Variants in CACNA1E observed in about 807,000 individuals in gnomAD.
CACNA1E encodes calcium voltage-gated channel subunit alpha1 E, also known as voltage-dependent R-type calcium channel subunit alpha-1E.
CACNA1E carries 40 observed loss-of-function variants against 259.2 expected under a neutral mutation model. The observed-to-expected ratio is 0.15, with a 90% CI of 0.12 to 0.20. CACNA1E has a LOEUF of 0.20. CACNA1E is among the 10% of genes least tolerant of loss of function. The pLI is 1.00. For missense variants in CACNA1E, 1,874 were observed against 3,040.1 expected (o/e 0.62, Z 9.02); for synonymous variants, 1,104 against 1,138.5 (o/e 0.97, Z 0.61).
chr1:181,757,338 G>A (rs1303310716), intron 30 of CACNA1E, among the ~76,000 whole-genome samples: 1 of 152,200 alleles, frequency 6.6e-6, no homozygotes, highest in Non-Finnish European at 1.5e-5. Context: ...AGATATGTAA[G>A]ATGTTTAACA....
At chr1:181,540,734 G>T (rs1668519569) in intron 3 of CACNA1E, among the ~76,000 whole-genome samples, 1 of 152,148 alleles carries the variant, frequency 6.6e-6, no homozygotes. Flanking sequence ...ACTGTACTTA[G>T]CCCACACCAT....
intron 1 of CACNA1E, among the ~76,000 whole-genome samples, chr1:181,356,905 G>T (rs1296853393): frequency 6.6e-6 from 1 of 152,110 alleles, no homozygotes; most frequent in Non-Finnish European, 1.5e-5. Flanking sequence ...AAAATAACCT[G>T]GTTGCTCGAA....
chr1:181,355,718 G>A (rs145952884), intron 1 of CACNA1E, among the ~76,000 whole-genome samples: 1 of 152,138 alleles, frequency 6.6e-6, no homozygotes, highest in Non-Finnish European at 1.5e-5. Context: ...ATATGCAAAG[G>A]CCCCCTTTAA....
At chr1:181,711,847 G>A (rs189058650) in intron 8 of CACNA1E, among the ~76,000 whole-genome samples, 4 of 152,258 alleles carry the variant, frequency 2.6e-5, no homozygotes, top group East Asian at 3.9e-4. Flanking sequence ...GGCAGCAATC[G>A]TGTTTGACCT....
intron 7 of CACNA1E, among the ~76,000 whole-genome samples, chr1:181,652,656 G>A (rs78860456): frequency 0.032 from 4,841 of 152,172 alleles, 112 homozygotes; most frequent in African/African-American, 0.063. Flanking sequence ...GCTGGGGTAG[G>A]CGTGGTGCTA....
intron 6 of CACNA1E, among the ~76,000 whole-genome samples, chr1:181,622,330 A>T (rs985232734): frequency 2.6e-5 from 4 of 152,166 alleles, no homozygotes; most frequent in African/African-American, 9.7e-5. Context: ...ACCTCTTCTG[A>T]TTATGAAGGT....
At chr1:181,747,450 ATTTTTT>A (rs60393528) in intron 25 of CACNA1E, among the ~76,000 whole-genome samples, 2 of 122,866 alleles carry the variant, frequency 1.6e-5, no homozygotes, top group Admixed American at 8.0e-5. Context: ...AAAATCTGTC[ATTTTTT>A]TTTTTTTTTT....
At chr1:181,472,564 TA>T (rs1353664426) in intron 2 of CACNA1E, among the ~76,000 whole-genome samples, 1 of 152,228 alleles carries the variant, frequency 6.6e-6, no homozygotes, top group Non-Finnish European at 1.5e-5. Context: ...CTGGTATCTG[TA>T]CCTGTAAATA....
intron 3 of CACNA1E, among the ~76,000 whole-genome samples, chr1:181,548,129 C>CTTTTTTTTCTTTTTTTTTTT (rs537628921): frequency 7.5e-6 from 1 of 133,386 alleles, no homozygotes. Flanking sequence ...CTTTTTTTTT[C>CTTTTTTTTCTTTTTTTTTTT]TTTTTTTTTT....
intron 8 of CACNA1E, 151 bp from the exon 9 acceptor site, chr1:181,715,187 T>C (rs933597249): frequency 1.6e-6 from 1 of 618,000 alleles, no homozygotes; most frequent in African/African-American, 1.8e-5. Flanking sequence ...TCTGTGACAC[T>C]TGCTTTCTTT....
intron 1 of CACNA1E, among the ~76,000 whole-genome samples, chr1:181,350,319 C>A (rs1022549179): frequency 3.3e-5 from 5 of 152,216 alleles, no homozygotes; most frequent in African/African-American, 1.2e-4. Flanking sequence ...GAGAGCCCTC[C>A]GTCATCCAGA....
At chr1:181,418,396 A>G (rs1431311332) in intron 2 of CACNA1E, among the ~76,000 whole-genome samples, 1 of 152,058 alleles carries the variant, frequency 6.6e-6, no homozygotes, top group Non-Finnish European at 1.5e-5. Context: ...TAAACACTGG[A>G]TGTCCCAGGG....
intron 37 of CACNA1E, among the ~76,000 whole-genome samples, chr1:181,772,918 A>G (rs1241252480): frequency 1.3e-5 from 2 of 152,202 alleles, no homozygotes; most frequent in Non-Finnish European, 2.9e-5. Context: ...TGGAGAAAGC[A>G]TGACTCAGCA....
At chr1:181,343,190 G>A (rs1403015630) in intron 1 of CACNA1E, among the ~76,000 whole-genome samples, 1 of 152,004 alleles carries the variant, frequency 6.6e-6, no homozygotes. Flanking sequence ...GGTGGAGGAG[G>A]CTGGAGGGAG....
At chr1:181,440,593 G>C in intron 2 of CACNA1E, among the ~76,000 whole-genome samples, 1 of 152,130 alleles carries the variant, frequency 6.6e-6, no homozygotes, top group East Asian at 1.9e-4. Flanking sequence ...TGAAAAAGTT[G>C]AAATAGCTTT....
intron 3 of CACNA1E, among the ~76,000 whole-genome samples, chr1:181,530,801 G>C (rs1667723894): frequency 6.6e-6 from 1 of 152,176 alleles, no homozygotes; most frequent in South Asian, 2.1e-4. Context: ...GCAGAGAAGA[G>C]AGCCCATTAA....
At chr1:181,469,144 G>A (rs1662338360) in intron 2 of CACNA1E, among the ~76,000 whole-genome samples, 1 of 152,056 alleles carries the variant, frequency 6.6e-6, no homozygotes, top group Non-Finnish European at 1.5e-5. Flanking sequence ...AGGTGAGATA[G>A]GGTCAGAGTT....
At chr1:181,621,622 C>G (rs1204851331) in intron 6 of CACNA1E, among the ~76,000 whole-genome samples, 3 of 152,154 alleles carry the variant, frequency 2.0e-5, no homozygotes, top group African/African-American at 7.2e-5. Context: ...GAGGACAGAA[C>G]ATAGATAAGC....
chr1:181,524,537 C>T (rs1170414369), intron 3 of CACNA1E, among the ~76,000 whole-genome samples: 1 of 152,212 alleles, frequency 6.6e-6, no homozygotes, highest in Non-Finnish European at 1.5e-5. Context: ...TAGGTTCTCT[C>T]TTGCTCCTTG....
Sources: allele counts gnomAD v4.1 joint callset (sites outside exome capture counted in the v4.1 genomes callset), GRCh38; gene constraint gnomAD v4.1.1; transcripts MANE v1.5; gene names NCBI Gene and HGNC (gene_info 2026-07-23, HGNC 2026-07-21).